Variants in SPATA6 observed in about 807,000 individuals in gnomAD.
SPATA6 encodes spermatogenesis associated 6.
In SPATA6, 56 loss-of-function variants were observed where a neutral mutation model predicts 65.3. The ratio of observed to expected loss-of-function variants is 0.86; its 90% confidence interval spans 0.69 to 1.07. The LOEUF (loss-of-function observed/expected upper bound fraction) is 1.07. Among genes scored for constraint, SPATA6 ranks in the 50% least tolerant of loss-of-function variants. The pLI, the probability that SPATA6 is intolerant of heterozygous loss-of-function variation, is 0.00. For synonymous variants in SPATA6, 199 were observed against 213.2 expected (o/e 0.93, Z 0.58); for missense variants, 590 against 594.8 (o/e 0.99, Z 0.08).
chr1:48,320,888 A>T (rs2148701334), intron 11 of SPATA6, among the ~76,000 whole-genome samples: 1 of 152,320 alleles, frequency 6.6e-6, no homozygotes. Context: ...TAAAGTGTGG[A>T]GTTTTTATTC....
intron 11 of SPATA6, among the ~76,000 whole-genome samples, chr1:48,311,874 A>C (rs189883050): frequency 6.6e-6 from 1 of 152,272 alleles, no homozygotes; most frequent in African/African-American, 2.4e-5. Flanking sequence ...CCACCCTAAT[A>C]CTGTGCTTTT....
At chr1:48,410,622 G>A (rs1570482768) in intron 5 of SPATA6, among the ~76,000 whole-genome samples, 1 of 152,240 alleles carries the variant, frequency 6.6e-6, no homozygotes, top group Non-Finnish European at 1.5e-5. Flanking sequence ...AGTTTTACAT[G>A]GCTGGGAAGG....
chr1:48,322,051 T>C (rs1230375432), intron 11 of SPATA6, among the ~76,000 whole-genome samples: 1 of 151,892 alleles, frequency 6.6e-6, no homozygotes, highest in Non-Finnish European at 1.5e-5. Flanking sequence ...CGCCTACATT[T>C]AAAAAGACGA....
rs1237018455 is a variant in SPATA6 at position 48,296,717 on chromosome 1, A to C, written c.*1996T>G. 6.6e-6 allele frequency: 1 copy of C among 152,126 alleles called. No individual in the cohort carries two copies. The highest frequency in any genetic ancestry group is 1.9e-4 in the East Asian group (1 of 5,190). 9.4% of individuals were successfully genotyped at this position (152,126 alleles called of 1,614,324 possible). A position where few individuals can be genotyped will look rare whatever the true frequency, so the allele number is the denominator to read the frequency against. On this transcript the variant is annotated 3_prime_UTR_variant, in exon 13 of 13. Transcript: ENST00000371847. The stretch of plus-strand genomic sequence containing the variant: ...TGATTGTAAAATACCTCATCATATA[A>C]TCTACAGCCAGAGAGTAACTCAGCA...
intron 3 of SPATA6, among the ~76,000 whole-genome samples, chr1:48,442,618 A>G (rs1296332603): frequency 6.6e-6 from 1 of 150,514 alleles, no homozygotes. Context: ...AGAAAGAGAG[A>G]GACAGAAAGT....
chr1:48,371,910 C>T (rs1196263788), intron 9 of SPATA6, among the ~76,000 whole-genome samples: 1 of 152,130 alleles, frequency 6.6e-6, no homozygotes, highest in African/African-American at 2.4e-5. Context: ...TCTCATGACA[C>T]TTATTTACTA....
intron 7 of SPATA6, among the ~76,000 whole-genome samples, chr1:48,397,229 A>AT (rs1166867202): frequency 2.6e-5 from 4 of 151,830 alleles, no homozygotes; most frequent in South Asian, 2.1e-4. Flanking sequence ...GTGAATACTT[A>AT]ATAAGTACAG....
At chr1:48,339,538 T>C (rs1438490249) in intron 11 of SPATA6, among the ~76,000 whole-genome samples, 2 of 151,830 alleles carry the variant, frequency 1.3e-5, no homozygotes, top group Non-Finnish European at 2.9e-5. Context: ...TTGGGCAAAA[T>C]AGAGAAAGTT....
At chr1:48,430,886 T>C (rs148544892) in intron 3 of SPATA6, among the ~76,000 whole-genome samples, 3 of 152,198 alleles carry the variant, frequency 2.0e-5, no homozygotes, top group East Asian at 1.9e-4. Flanking sequence ...GTAAGGCATA[T>C]AGAAAACCAA....
Position 48,303,924 on chromosome 1 carries a change from G to C in SPATA6, c.1286+1863C>G, listed in dbSNP as rs143254383. ...GAGCTCCTCACTCAGTCATTCCAGAGGTTCATGCGAACTTCTTCATGATGC... is the reference window on the plus strand; with the variant it reads ...GAGCTCCTCACTCAGTCATTCCAGACGTTCATGCGAACTTCTTCATGATGC... On this transcript the variant is annotated intron_variant, in intron 12 of 12. Transcript: ENST00000371847. Among the ~76,000 whole-genome samples the C allele has an allele frequency of 2.1e-3, 327 of 152,222 alleles. 1 individual carries two copies. Among genetic ancestry groups the C allele is most frequent in the African/African-American group, 7.4e-3 (306 of 41,540 alleles).
At chr1:48,436,774 G>A (rs1249220524) in intron 3 of SPATA6, 131 of 1,614,034 alleles carry the variant, frequency 8.1e-5, no homozygotes, top group Non-Finnish European at 1.1e-4. Context: ...GCCTTTCCAG[G>A]ACATGCATAG....
chr1:48,370,181 T>C (rs769337047), intron 9 of SPATA6, among the ~76,000 whole-genome samples: 2 of 152,210 alleles, frequency 1.3e-5, no homozygotes, highest in Non-Finnish European at 2.9e-5. Flanking sequence ...CAAATATTTG[T>C]TGTTAGCCTA....
intron 9 of SPATA6, among the ~76,000 whole-genome samples, chr1:48,384,179 A>G (rs375319690): frequency 1.3e-5 from 2 of 149,220 alleles, no homozygotes; most frequent in African/African-American, 5.0e-5. Context: ...ACCAAAAAAA[A>G]ACGAAAACCA....
chr1:48,421,854 T>A (rs994602515), intron 3 of SPATA6, among the ~76,000 whole-genome samples: 12 of 152,098 alleles, frequency 7.9e-5, no homozygotes, highest in African/African-American at 2.9e-4. Flanking sequence ...AAATCAATAT[T>A]CATCACATAT....
intron 11 of SPATA6, among the ~76,000 whole-genome samples, chr1:48,317,977 T>A (rs1366478321): frequency 6.6e-6 from 1 of 152,130 alleles, no homozygotes; most frequent in Non-Finnish European, 1.5e-5. Flanking sequence ...CTGGGAATTA[T>A]CCAAAGAATG....
At chr1:48,471,661 TG>T (rs1658259193) in intron 1 of SPATA6, among the ~76,000 whole-genome samples, 1 of 152,036 alleles carries the variant, frequency 6.6e-6, no homozygotes, top group Admixed American at 6.5e-5. Flanking sequence ...TCTCTCTCAC[TG>T]GAAAGTTAGG....
chr1:48,305,920 G>A (rs1428659569), intron 11 of SPATA6, 42 bp from the exon 12 acceptor site: 1 of 1,476,216 alleles, frequency 6.8e-7, no homozygotes. Flanking sequence ...CTGTCTCATT[G>A]TCCCCAAAAT....
At chr1:48,459,774 T>G (rs1430232539) in intron 1 of SPATA6, among the ~76,000 whole-genome samples, 3 of 152,118 alleles carry the variant, frequency 2.0e-5, no homozygotes, top group African/African-American at 7.2e-5. Flanking sequence ...CAGAGTATAT[T>G]CTCTAACCAG....
chr1:48,282,092 C>T, the SPATA6 span, among the ~76,000 whole-genome samples: 3 of 152,112 alleles, frequency 2.0e-5, no homozygotes, highest in Non-Finnish European at 2.9e-5. Context: ...GAAAGGATTC[C>T]CTATTTAATA....
Sources: gnomAD v4.1 joint callset for allele counts (sites outside exome capture counted in the v4.1 genomes callset) on GRCh38, gnomAD v4.1.1 for gene constraint, MANE v1.5 for transcripts, NCBI Gene and HGNC (gene_info 2026-07-23, HGNC 2026-07-21) for gene names.